EIF3L: variants seen among roughly 807,000 people sequenced by gnomAD.
The protein encoded by EIF3L is eukaryotic translation initiation factor 3 subunit L.
A neutral mutation model predicts 74.6 loss-of-function variants in EIF3L; 32 were observed. The ratio of observed to expected loss-of-function variants is 0.43; its 90% CI spans 0.32 to 0.58. The LOEUF (loss-of-function observed/expected upper bound fraction) is 0.58, where lower values mean the gene tolerates loss of function less well. EIF3L is among the 20% of genes least tolerant of loss of function. The probability of loss-of-function intolerance (pLI) is 0.06; values close to 1 mark genes in which losing one functional copy is unlikely to be tolerated. For synonymous variants in EIF3L, 256 were observed against 254.4 expected (o/e 1.01, Z -0.06); for missense variants, 474 against 707.8 (o/e 0.67, Z 3.75).
At position 37,868,634 on chromosome 22, in the gene EIF3L, C is replaced by CTTTTTTTT. The variant is rs71195065; in HGVS notation, c.580-1524_580-1517dup. On this transcript the variant is annotated intron_variant, in intron 7 of 12. Transcript: ENST00000652021. Reference sequence around the variant, plus strand: ...ACACCTGGCTATTTTTGTTTTGGTGCTTTTTTTTTTTTTTTTTTTTTTTTT... The same window carrying CTTTTTTTT: ...ACACCTGGCTATTTTTGTTTTGGTGCTTTTTTTTTTTTTTTTTTTTTTTTTTTTTTTTT... Among the ~76,000 whole-genome samples, 18 of 25,128 alleles carry CTTTTTTTT rather than the reference C, an allele frequency of 7.2e-4. 6 individuals are homozygous for CTTTTTTTT. Among genetic ancestry groups the CTTTTTTTT allele is most frequent in the East Asian group, 4.6e-3 (2 of 434 alleles). The allele number at this position is 25,128 out of a possible 152,430, so 16.5% of individuals were successfully genotyped here.
Position 37,869,245 on chromosome 22 carries a change from C to G in EIF3L, c.580-931C>G, listed in dbSNP as rs1601770084. The stretch of plus-strand genomic sequence containing the variant: ...CTGGGCTCAGGCAAAGCCCGTACCT[C>G]AGCCTCCTTAGTAGCGGAGACTGCA... On this transcript the variant is annotated intron_variant, in intron 7 of 12. Coordinates refer to ENST00000652021, the MANE Select transcript of EIF3L (RefSeq NM_016091.4). 3.9e-5 allele frequency among the ~76,000 whole-genome samples: 6 copies of G among 152,320 alleles called. No individual in the cohort carries two copies. In the South Asian group the frequency reaches 1.2e-3, roughly 32 times the overall value.
At chr22:37,850,925 T>C (rs957447589) in intron 2 of EIF3L, among the ~76,000 whole-genome samples, 2 of 152,204 alleles carry the variant, frequency 1.3e-5, no homozygotes, top group African/African-American at 4.8e-5. Flanking sequence ...TCAAGAAATA[T>C]TAAGTACCTG....
At chr22:37,871,726 G>A (rs866458481) in intron 8 of EIF3L, among the ~76,000 whole-genome samples, 12 of 151,822 alleles carry the variant, frequency 7.9e-5, no homozygotes, top group African/African-American at 2.2e-4. Flanking sequence ...AAAATTAGCC[G>A]GGCCTGGTGG....
chr22:37,873,557 T>C (rs942733364), intron 8 of EIF3L, among the ~76,000 whole-genome samples: 31 of 152,264 alleles, frequency 2.0e-4, no homozygotes, highest in African/African-American at 7.0e-4. Context: ...CCTCCCAAAG[T>C]GCTGGGATTA....
chr22:37,867,343 C>T (rs1303586743), intron 7 of EIF3L, among the ~76,000 whole-genome samples: 1 of 152,068 alleles, frequency 6.6e-6, no homozygotes, highest in Admixed American at 6.6e-5. Context: ...ATCAGTCTGT[C>T]TAATTTTTGT....
rs527661071 is a variant in EIF3L at position 37,870,418 on chromosome 22, A to C, written c.751+71A>C. 1.6e-5 allele frequency: 24 copies of C among 1,465,266 alleles called. No homozygotes were observed. In the African/African-American group the frequency reaches 3.0e-4, roughly 18 times the overall value. 90.8% of individuals were successfully genotyped at this position (1,465,266 alleles called of 1,614,324 possible). Reference sequence around the variant, plus strand: ...CTTGCCATCTGTTCCAAATGAATAGATCACTGCAAGGAGAGCAGATGAGTC... The same window carrying C: ...CTTGCCATCTGTTCCAAATGAATAGCTCACTGCAAGGAGAGCAGATGAGTC... On this transcript the variant is annotated intron_variant, in intron 8 of 12. Coordinates refer to ENST00000652021, the MANE Select transcript of EIF3L (RefSeq NM_016091.4).
In EIF3L at chr22:37,877,590, A is replaced by G; in HGVS notation, c.1078-84A>G. 2.7e-6 allele frequency: 4 copies of G among 1,475,580 alleles called. No individual in the cohort carries two copies. The South Asian group carries it at 4.0e-5, about 15-fold the overall frequency. The allele number at this position is 1,475,580 out of a possible 1,614,324, so 91.4% of individuals were successfully genotyped here. ...AACTGGGTAAGTCAAAGATCTGTGC[A>G]GAGAATGGTGAGGCCAGTTGGCAGT... On this transcript the variant is annotated intron_variant, in intron 10 of 12. Transcript: ENST00000652021.
intron 11 of EIF3L, chr22:37,885,174 C>A (rs1009221623): frequency 6.6e-6 from 1 of 152,116 alleles, no homozygotes; most frequent in Non-Finnish European, 1.5e-5. Flanking sequence ...GTCTGCCCAC[C>A]TCTGCCTCCC....
At chr22:37,874,096 A>G in intron 8 of EIF3L, among the ~76,000 whole-genome samples, 1 of 152,056 alleles carries the variant, frequency 6.6e-6, no homozygotes, top group Non-Finnish European at 1.5e-5. Flanking sequence ...TCGTGGTTGT[A>G]TTTTACTGAT....
intron 7 of EIF3L, 91 bp from the exon 8 acceptor site, chr22:37,870,085 G>A: frequency 8.3e-7 from 1 of 1,202,140 alleles, no homozygotes. Context: ...CCCATCCAGA[G>A]CCAGAGCATT....
rs552297533 is a variant in EIF3L at position 37,888,773 on chromosome 22, C to T, written c.*309C>T. 1.9e-5 allele frequency: 6 copies of T among 322,276 alleles called. 1 individual carries two copies. In the Admixed American group the frequency reaches 2.4e-4, roughly 13 times the overall value. The allele number at this position is 322,276 out of a possible 1,614,324, so 20.0% of individuals were successfully genotyped here. Reference sequence around the variant, plus strand: ...ATTTTGTGCTTTTGAGATGGAGTCTCACTCTGTCTCCCAGGCTGGAGTGCA... The same window carrying T: ...ATTTTGTGCTTTTGAGATGGAGTCTTACTCTGTCTCCCAGGCTGGAGTGCA... On this transcript the variant is annotated 3_prime_UTR_variant, in exon 13 of 13. Coordinates refer to ENST00000652021, the MANE Select transcript of EIF3L (RefSeq NM_016091.4).
At chr22:37,854,757 G>A (rs536664220) in intron 3 of EIF3L, among the ~76,000 whole-genome samples, 15 of 152,180 alleles carry the variant, frequency 9.9e-5, no homozygotes, top group African/African-American at 2.4e-4. Context: ...GTGAGCCAGC[G>A]CGCCTGGCCT....
At chr22:37,883,962 A>G (rs1360037981) in intron 11 of EIF3L, 3 of 152,328 alleles carry the variant, frequency 2.0e-5, no homozygotes, top group Admixed American at 6.5e-5. Context: ...TTCAGTGGTT[A>G]TTAGTATGTT....
At chr22:37,866,128 A>G (rs1016633254) in intron 7 of EIF3L, among the ~76,000 whole-genome samples, 2 of 152,234 alleles carry the variant, frequency 1.3e-5, no homozygotes, top group African/African-American at 4.8e-5. Context: ...CTGGAAGGAA[A>G]GGCACCTTGT....
chr22:37,859,074 T>C (rs1051008810), intron 5 of EIF3L, among the ~76,000 whole-genome samples: 3 of 151,678 alleles, frequency 2.0e-5, no homozygotes, highest in African/African-American at 4.8e-5. Context: ...CTTTTTCCCT[T>C]CAGAGCATTG....
intron 9 of EIF3L, 67 bp downstream of exon 9, chr22:37,874,591 A>T (rs1485659725): frequency 1.5e-5 from 23 of 1,522,282 alleles, no homozygotes; most frequent in Middle Eastern, 1.8e-4. Context: ...AACCACTCTG[A>T]TCTCTTAGGA....
intron 4 of EIF3L, among the ~76,000 whole-genome samples, chr22:37,856,582 C>T (rs949080579): frequency 1.2e-4 from 18 of 151,970 alleles, no homozygotes; most frequent in African/African-American, 4.1e-4. Flanking sequence ...CAGTGGCTCA[C>T]GCCTGTAATC....
intron 9 of EIF3L, among the ~76,000 whole-genome samples, 195 bp downstream of exon 9, chr22:37,874,719 G>GT (rs1345810813): frequency 6.6e-6 from 1 of 152,026 alleles, no homozygotes; most frequent in Admixed American, 6.6e-5. Context: ...GTTAACAACA[G>GT]TTTTTTATTT....
intron 1 of EIF3L, 38 bp from the exon 2 acceptor site, chr22:37,849,976 AC>A: frequency 6.2e-7 from 1 of 1,612,662 alleles, no homozygotes; most frequent in Non-Finnish European, 8.5e-7. Context: ...TGAATTCACG[AC>A]TTGGCGGCTG....
Sources: gnomAD v4.1 joint callset for allele counts (sites outside exome capture counted in the v4.1 genomes callset) on GRCh38, gnomAD v4.1.1 for gene constraint, MANE v1.5 for transcripts, NCBI Gene and HGNC (gene_info 2026-07-23, HGNC 2026-07-21) for gene names.